Variants in AFG2A observed in about 807,000 individuals in gnomAD.
The protein encoded by AFG2A is ATPase family gene 2 protein homolog A.
chr4:123,011,636 G>A, the AFG2A span, among the ~76,000 whole-genome samples: 1 of 152,178 alleles, frequency 6.6e-6, no homozygotes, highest in African/African-American at 2.4e-5. Flanking sequence ...TGGCTATTTG[G>A]AACCACTGTC....
chr4:122,979,476 A>C, the AFG2A span: 1 of 1,392,808 alleles, frequency 7.2e-7, no homozygotes, highest in Non-Finnish European at 9.8e-7. Flanking sequence ...TCCTAGGCTA[A>C]ACTTTAAAAA....
At chr4:123,013,026 C>T in the AFG2A span, among the ~76,000 whole-genome samples, 26 of 152,148 alleles carry the variant, frequency 1.7e-4, no homozygotes, top group African/African-American at 5.3e-4. Flanking sequence ...ACCTGGGTGT[C>T]GGCGGGCTGA....
chr4:123,058,412 G>A, the AFG2A span, among the ~76,000 whole-genome samples: 90 of 152,294 alleles, frequency 5.9e-4, no homozygotes, highest in African/African-American at 2.1e-3. Context: ...ATCATTTGAG[G>A]TCAGGAGTTT....
chr4:123,062,228 G>A, the AFG2A span, among the ~76,000 whole-genome samples: 1 of 152,082 alleles, frequency 6.6e-6, no homozygotes, highest in African/African-American at 2.4e-5. Flanking sequence ...ATGAAGGGAG[G>A]CAGTTTACAT....
chr4:122,964,218 T>G, the AFG2A span, among the ~76,000 whole-genome samples: 1 of 152,096 alleles, frequency 6.6e-6, no homozygotes, highest in African/African-American at 2.4e-5. Context: ...GCAAAAGTAA[T>G]TGCGGCTGGG....
At chr4:122,938,012 ATAT>A in the AFG2A span, 2 of 1,045,066 alleles carry the variant, frequency 1.9e-6, no homozygotes, top group Non-Finnish European at 2.6e-6. Flanking sequence ...TATCTTTATA[ATAT>A]TAAGTGAATT....
the AFG2A span, among the ~76,000 whole-genome samples, chr4:122,967,568 T>C: frequency 1.3e-5 from 2 of 152,222 alleles, no homozygotes; most frequent in Non-Finnish European, 2.9e-5. Flanking sequence ...AATCTATATT[T>C]TGTATTCTAG....
At chr4:123,110,699 C>G in the AFG2A span, among the ~76,000 whole-genome samples, 3 of 152,164 alleles carry the variant, frequency 2.0e-5, no homozygotes, top group Non-Finnish European at 4.4e-5. Flanking sequence ...CCAGGCACAG[C>G]ACACCGTGCT....
the AFG2A span, among the ~76,000 whole-genome samples, chr4:123,026,946 G>C: frequency 0.012 from 1,832 of 152,098 alleles, 40 homozygotes; most frequent in African/African-American, 0.041. Flanking sequence ...TCATTTGTCC[G>C]AGTCTGAATC....
chr4:123,235,805 A>C, the AFG2A span, among the ~76,000 whole-genome samples: 1 of 152,232 alleles, frequency 6.6e-6, no homozygotes, highest in African/African-American at 2.4e-5. Context: ...ACAGCAGTGC[A>C]ACTGGGCTTT....
At chr4:122,935,848 G>A in the AFG2A span, 2 of 1,601,740 alleles carry the variant, frequency 1.2e-6, no homozygotes, top group Non-Finnish European at 1.7e-6. Context: ...AAGCAAGTAA[G>A]TACATGATTT....
the AFG2A span, among the ~76,000 whole-genome samples, chr4:122,968,022 C>T: frequency 3.7e-4 from 56 of 151,992 alleles, no homozygotes; most frequent in African/African-American, 1.4e-3. Context: ...TTTAGGTTTA[C>T]AGAAGAATAA....
chr4:123,200,242 T>C, the AFG2A span, among the ~76,000 whole-genome samples: 1 of 152,028 alleles, frequency 6.6e-6, no homozygotes, highest in Non-Finnish European at 1.5e-5. Flanking sequence ...TGTAAAACAC[T>C]AGCACTGATT....
chr4:123,091,501 T>G, the AFG2A span, among the ~76,000 whole-genome samples: 1 of 152,216 alleles, frequency 6.6e-6, no homozygotes, highest in Non-Finnish European at 1.5e-5. Flanking sequence ...TTTTCAACAT[T>G]TTCATCTATA....
the AFG2A span, chr4:123,090,494 T>C: frequency 6.9e-7 from 1 of 1,450,290 alleles, no homozygotes; most frequent in Non-Finnish European, 9.3e-7. Context: ...TCTCTTGTTA[T>C]AGACTATAGA....
chr4:123,006,398 CG>C, the AFG2A span, among the ~76,000 whole-genome samples: 2 of 151,586 alleles, frequency 1.3e-5, no homozygotes, highest in African/African-American at 4.8e-5. Context: ...CTTGTGCTTT[CG>C]GTTTATTCAT....
chr4:123,025,725 C>G, the AFG2A span, among the ~76,000 whole-genome samples: 2 of 152,020 alleles, frequency 1.3e-5, no homozygotes, highest in Non-Finnish European at 1.5e-5. Context: ...ACATGACATT[C>G]CCTGCAAACG....
At chr4:123,189,245 C>T in the AFG2A span, among the ~76,000 whole-genome samples, 2 of 152,158 alleles carry the variant, frequency 1.3e-5, no homozygotes, top group Admixed American at 6.5e-5. Context: ...ATTTCCCTGC[C>T]TTTTATAGGA....
chr4:123,111,592 T>A, the AFG2A span, among the ~76,000 whole-genome samples: 3 of 152,212 alleles, frequency 2.0e-5, no homozygotes, highest in Non-Finnish European at 2.9e-5. Context: ...TTTTTTTCCC[T>A]TTAATAGTAG....
Sources: allele counts gnomAD v4.1 joint callset (sites outside exome capture counted in the v4.1 genomes callset), GRCh38; gene constraint gnomAD v4.1.1; transcripts MANE v1.5; gene names NCBI Gene and HGNC (gene_info 2026-07-23, HGNC 2026-07-21).